CAPN13: variants seen among roughly 807,000 people sequenced by gnomAD.
CAPN13 encodes the protein calpain-13.
In CAPN13, 90 loss-of-function variants were observed where a neutral mutation model predicts 98.4. That is an observed-to-expected ratio of 0.92 (90% confidence interval 0.77 to 1.09). The LOEUF is 1.09. Ranked by LOEUF, CAPN13 falls within the 50% of genes least tolerant of loss-of-function variation. The pLI, the probability that CAPN13 is intolerant of heterozygous loss-of-function variation, is 0.00. For missense variants in CAPN13, 887 were observed against 841.3 expected, an observed-to-expected ratio of 1.05 and a Z score of -0.67; for synonymous variants, 330 against 305.5, an observed-to-expected ratio of 1.08 and a Z score of -0.84.
intron 1 of CAPN13, among the ~76,000 whole-genome samples, chr2:30,792,466 G>C (rs1167554383): frequency 6.6e-6 from 1 of 151,998 alleles, no homozygotes; most frequent in Admixed American, 6.5e-5. Flanking sequence ...TACATACAAT[G>C]GATCAATTTC....
At position 30,723,471 on chromosome 2, in the gene CAPN13, C is replaced by T. The variant is rs558783512; in HGVS notation, c.*31-235G>A. On this transcript the variant is annotated intron_variant, in intron 22 of 22. Coordinates refer to ENST00000295055, the MANE Select transcript of CAPN13 (RefSeq NM_144575.3). The stretch of plus-strand genomic sequence containing the variant: ...CAAAATTCCTTAAAGGGCACCCCCC[C>T]ACCTGTCCTGCCCCAAGCTTGAGTT... Among the ~76,000 whole-genome samples, 12 of 152,248 alleles carry T rather than the reference C, an allele frequency of 7.9e-5. 1 individual carries two copies. The South Asian group carries it at 1.9e-3, about 24-fold the overall frequency.
At chr2:30,745,894 ATTTTTTT>A (rs57880021) in intron 11 of CAPN13, among the ~76,000 whole-genome samples, 160 bp from the exon 12 acceptor site, 35 of 92,764 alleles carry the variant, frequency 3.8e-4, no homozygotes, top group Admixed American at 1.2e-3. Flanking sequence ...GCCATAAAGC[ATTTTTTT>A]TTTTTTTTTT....
intron 9 of CAPN13, 123 bp from the exon 10 acceptor site, chr2:30,753,321 C>T: frequency 3.3e-6 from 3 of 922,030 alleles, no homozygotes; most frequent in African/African-American, 1.6e-5. Flanking sequence ...CTGGCTCATT[C>T]ACCATCAAGC....
At chr2:30,752,574 G>A (rs929724293) in intron 10 of CAPN13, among the ~76,000 whole-genome samples, 4 of 152,196 alleles carry the variant, frequency 2.6e-5, no homozygotes, top group African/African-American at 9.7e-5. Flanking sequence ...GTGCTCTCTA[G>A]GCTCAAGGAC....
At chr2:30,799,407 T>C (rs1675054004) in intron 1 of CAPN13, among the ~76,000 whole-genome samples, 1 of 152,174 alleles carries the variant, frequency 6.6e-6, no homozygotes, top group Non-Finnish European at 1.5e-5. Flanking sequence ...TCAGTAAGTC[T>C]CCATGCATGT....
At chr2:30,785,103 G>A (rs1213807882) in intron 2 of CAPN13, among the ~76,000 whole-genome samples, 1 of 152,178 alleles carries the variant, frequency 6.6e-6, no homozygotes, top group East Asian at 1.9e-4. Flanking sequence ...ACATGCATCA[G>A]GCACATGTAG....
At position 30,745,651 on chromosome 2, in the gene CAPN13, G is replaced by A. The variant is rs116454388; in HGVS notation, c.1248+72C>T. 13,120 of 1,518,792 alleles carry A rather than the reference G, an allele frequency of 8.6e-3. 78 individuals are homozygous for A. Among genetic ancestry groups the A allele is most frequent in the Non-Finnish European group, 0.01 (11,605 of 1,115,928 alleles). The allele number at this position is 1,518,792 out of a possible 1,614,324, so 94.1% of individuals were successfully genotyped here. On this transcript the variant is annotated intron_variant, in intron 12 of 22. Transcript: ENST00000295055. Reference sequence around the variant, plus strand: ...CACTGAACACGTGGAGGCCATGGGCGTTGGAAGTGGCCTAACACTCCACCA... The same window carrying A: ...CACTGAACACGTGGAGGCCATGGGCATTGGAAGTGGCCTAACACTCCACCA...
At chr2:30,748,096 A>G (rs1356814540) in intron 11 of CAPN13, among the ~76,000 whole-genome samples, 1 of 152,230 alleles carries the variant, frequency 6.6e-6, no homozygotes, top group East Asian at 1.9e-4. Context: ...GTGCCGGGGC[A>G]GCTCTGATCC....
rs558401577 is a variant in CAPN13 at position 30,758,953 on chromosome 2, CCCT to C, written c.775-819_775-817del. The stretch of plus-strand genomic sequence containing the variant: ...CTTTTCCTCCCTCCCTCCCTTTCTT[CCCT>C]CCTTCCTTCTGTTTCTTTCCTTTCT... On this transcript the variant is annotated intron_variant, in intron 7 of 22. Transcript: ENST00000295055. Among the ~76,000 whole-genome samples, 1,211 of 132,758 alleles carry C rather than the reference CCCT, an allele frequency of 9.1e-3. 14 individuals carry two copies. The highest frequency in any genetic ancestry group is 0.015 in the Non-Finnish European group (949 of 62,348). The allele number at this position is 132,758 out of a possible 152,430, so 87.1% of individuals were successfully genotyped here.
intron 14 of CAPN13, 142 bp downstream of exon 14, chr2:30,742,184 C>T: frequency 9.0e-7 from 1 of 1,113,814 alleles, no homozygotes; most frequent in Non-Finnish European, 1.3e-6. Context: ...CTACCCCGCC[C>T]CTTTGAGCCT....
chr2:30,791,362 G>C (rs1300917825), intron 1 of CAPN13, among the ~76,000 whole-genome samples: 2 of 152,196 alleles, frequency 1.3e-5, no homozygotes. Flanking sequence ...CTAGCGCTAG[G>C]CCTGGCACAT....
chr2:30,767,375 C>T (rs183639748), intron 5 of CAPN13, among the ~76,000 whole-genome samples: 48 of 152,264 alleles, frequency 3.2e-4, no homozygotes, highest in African/African-American at 1.1e-3. Flanking sequence ...CAGTAGAATG[C>T]GGATGCCAGG....
At chr2:30,738,713 TA>T (rs767114836) in intron 15 of CAPN13, among the ~76,000 whole-genome samples, 45 of 152,178 alleles carry the variant, frequency 3.0e-4, no homozygotes, top group Non-Finnish European at 5.0e-4. Flanking sequence ...CTTTATCTAT[TA>T]CTGGACTGAA....
At chr2:30,764,059 A>G in intron 6 of CAPN13, 73 bp downstream of exon 6, 1 of 1,442,890 alleles carries the variant, frequency 6.9e-7, no homozygotes, top group South Asian at 1.3e-5. Context: ...TCCTTAGCTG[A>G]ATGGACCCCT....
At position 30,765,795 on chromosome 2, in the gene CAPN13, A is replaced by G. The variant is rs78126000; in HGVS notation, c.525-1489T>C. 2.9e-3 allele frequency among the ~76,000 whole-genome samples: 445 copies of G among 152,348 alleles called. 3 individuals are homozygous for G. Among genetic ancestry groups the G allele is most frequent in the African/African-American group, 0.01 (426 of 41,578 alleles). On this transcript the variant is annotated intron_variant, in intron 5 of 22. Coordinates refer to ENST00000295055, the MANE Select transcript of CAPN13 (RefSeq NM_144575.3). ...GGAATGGCTTAGAAAGCCTTTTATT[A>G]AAGAAAGCTGAGGATTCCCAGAACG...
At chr2:30,738,328 G>C (rs1671480420) in intron 16 of CAPN13, 35 bp from the exon 17 acceptor site, 1 of 1,613,512 alleles carries the variant, frequency 6.2e-7, no homozygotes, top group African/African-American at 1.3e-5. Context: ...CTGAAGTGTT[G>C]ACAGTGGGGT....
chr2:30,731,525 C>CG (rs1349175568), intron 20 of CAPN13, 126 bp from the exon 21 acceptor site: 2 of 729,812 alleles, frequency 2.7e-6, no homozygotes, highest in Admixed American at 6.5e-5. Context: ...TCCTGCTCCG[C>CG]GGGGTGTGCC....
rs543995360 is a variant in CAPN13, at chr2:30,772,843, G to A, written c.388-2394C>T. 1.2e-4 allele frequency among the ~76,000 whole-genome samples: 18 copies of A among 150,440 alleles called. No homozygotes were observed. The South Asian group carries it at 2.1e-3, about 17-fold the overall frequency. On this transcript the variant is annotated intron_variant, in intron 4 of 22. Coordinates refer to ENST00000295055, the MANE Select transcript of CAPN13 (RefSeq NM_144575.3). Reference sequence around the variant, plus strand: ...ATTTCTTTTTTTTTTTTTTTGAGACGGAGTCTCGCCCTGTTGCCAGGCTGG... The same window carrying A: ...ATTTCTTTTTTTTTTTTTTTGAGACAGAGTCTCGCCCTGTTGCCAGGCTGG...
chr2:30,788,544 C>A (rs904749332), intron 1 of CAPN13, among the ~76,000 whole-genome samples: 4 of 152,140 alleles, frequency 2.6e-5, no homozygotes, highest in Non-Finnish European at 5.9e-5. Context: ...TTTCAAGCTT[C>A]TTTGATCAGG....
Sources: gnomAD v4.1 joint callset for allele counts (sites outside exome capture counted in the v4.1 genomes callset) on GRCh38, gnomAD v4.1.1 for gene constraint, MANE v1.5 for transcripts, NCBI Gene and HGNC (gene_info 2026-07-23, HGNC 2026-07-21) for gene names.